The following ABCG1 variants were observed in gnomAD, a reference collection of about 807,000 sequenced individuals.
ABCG1 encodes ATP-binding cassette sub-family G member 1.
In ABCG1, 29 loss-of-function variants were observed where a neutral mutation model predicts 69.2. The observed-to-expected ratio is 0.42, with a 90% CI of 0.31 to 0.57. The LOEUF (loss-of-function observed/expected upper bound fraction) is 0.57, where lower values mean the gene tolerates loss of function less well. ABCG1 is among the 20% of genes least tolerant of loss of function. The pLI, the probability that ABCG1 is intolerant of heterozygous loss-of-function variation, is 0.15. For missense variants in ABCG1, 718 were observed against 898.1 expected (o/e 0.80, Z 2.56); for synonymous variants, 370 against 374.8 (o/e 0.99, Z 0.15).
chr21:42,263,900 G>A (rs1191850549), intron 2 of ABCG1, among the ~76,000 whole-genome samples: 2 of 152,244 alleles, frequency 1.3e-5, no homozygotes, highest in African/African-American at 4.8e-5. Flanking sequence ...TGTTGCTCAA[G>A]GTTCATTTGT....
intron 1 of ABCG1, among the ~76,000 whole-genome samples, chr21:42,223,002 C>T (rs929925157): frequency 6.6e-6 from 1 of 152,182 alleles, no homozygotes; most frequent in Non-Finnish European, 1.5e-5. Context: ...CAGTTCTGGT[C>T]CTGTTATTCC....
intron 2 of ABCG1, among the ~76,000 whole-genome samples, chr21:42,254,624 A>ATGATCACGAAAATGGAGGCGG (rs1217842640): frequency 1.3e-5 from 2 of 152,264 alleles, no homozygotes; most frequent in Non-Finnish European, 2.9e-5. Context: ...GCTTTGCCAC[A>ATGATCACGAAAATGGAGGCGG]TGATCACGAA....
At position 42,268,719 on chromosome 21, in the gene ABCG1, C is replaced by T. The variant is rs189692745; in HGVS notation, c.287-2351C>T. Among the ~76,000 whole-genome samples the T allele has an allele frequency of 2.8e-3, 426 of 152,308 alleles. 4 individuals are homozygous for T. Among genetic ancestry groups the T allele is most frequent in the African/African-American group, 9.8e-3 (408 of 41,564 alleles). The stretch of plus-strand genomic sequence containing the variant: ...CAGGTGGAGTGGACCTCTGCAGCCC[C>T]AGTTGTGTGCACTCTCTGTTTGGTG... On this transcript the variant is annotated intron_variant, in intron 2 of 14. Transcript: ENST00000398449.
At chr21:42,230,217 C>T (rs1311208462) in intron 2 of ABCG1, among the ~76,000 whole-genome samples, 1 of 152,196 alleles carries the variant, frequency 6.6e-6, no homozygotes, top group East Asian at 1.9e-4. Context: ...TACATTTTCA[C>T]CATATGACTA....
intron 2 of ABCG1, among the ~76,000 whole-genome samples, chr21:42,270,848 C>G (rs2123729061): frequency 6.6e-6 from 1 of 152,202 alleles, no homozygotes; most frequent in South Asian, 2.1e-4. Flanking sequence ...TACACACGTG[C>G]TGGTAATTAT....
At chr21:42,282,015 G>A (rs929003434) in intron 5 of ABCG1, among the ~76,000 whole-genome samples, 1 of 152,228 alleles carries the variant, frequency 6.6e-6, no homozygotes, top group Non-Finnish European at 1.5e-5. Flanking sequence ...TCTGACCCCA[G>A]CACTGTTGCA....
chr21:42,293,347 C>A (rs185701793), intron 13 of ABCG1, among the ~76,000 whole-genome samples: 52 of 106,944 alleles, frequency 4.9e-4, no homozygotes, highest in East Asian at 2.0e-3. Context: ...TACACACTAC[C>A]CACCACACAC....
chr21:42,240,196 G>A (rs966690551), intron 2 of ABCG1, among the ~76,000 whole-genome samples: 19 of 152,174 alleles, frequency 1.2e-4, no homozygotes, highest in African/African-American at 3.9e-4. Flanking sequence ...GGTCTCCAAC[G>A]GCCACACGAG....
In ABCG1 at chr21:42,219,540, G is replaced by A. The variant is rs2067686810; in HGVS notation, c.42+236G>A. Among the ~76,000 whole-genome samples, 1 of 152,184 alleles carries A rather than the reference G, an allele frequency of 6.6e-6. No homozygotes were observed. Among genetic ancestry groups the A allele is most frequent in the Non-Finnish European group, 1.5e-5 (1 of 68,026 alleles). ...CGGCAGAGAGCACGGACTAGGTGGA[G>A]GGGCCGGGAGTGGGGCGGGGGCAGC... On this transcript the variant is annotated intron_variant, in intron 1 of 14. Transcript: ENST00000398449. The surrounding 1 kb of genome is among the most constrained non-coding windows in gnomAD (Gnocchi z 5.3).
At chr21:42,281,507 C>T (rs756512172) in intron 5 of ABCG1, among the ~76,000 whole-genome samples, 1 of 152,238 alleles carries the variant, frequency 6.6e-6, no homozygotes, top group Non-Finnish European at 1.5e-5. Context: ...TGCGCAGTGC[C>T]CTGCTTGTTC....
intron 2 of ABCG1, among the ~76,000 whole-genome samples, chr21:42,254,373 C>G (rs2068269232): frequency 1.3e-5 from 2 of 152,202 alleles, no homozygotes; most frequent in South Asian, 4.1e-4. Flanking sequence ...GCCCCACACT[C>G]ACTGAGGGGT....
At chr21:42,210,651 T>C (rs2067579524) in intron 2 of ABCG1, among the ~76,000 whole-genome samples, 1 of 152,196 alleles carries the variant, frequency 6.6e-6, no homozygotes, top group Non-Finnish European at 1.5e-5. Context: ...TACTTGCAGT[T>C]TTTCCCCTGA....
At chr21:42,210,139 C>T (rs2067575040) in intron 2 of ABCG1, among the ~76,000 whole-genome samples, 1 of 152,160 alleles carries the variant, frequency 6.6e-6, no homozygotes, top group Non-Finnish European at 1.5e-5. Context: ...CAAAAGGGAA[C>T]AGGGAAAGAA....
At chr21:42,265,853 C>G (rs996746915) in intron 2 of ABCG1, among the ~76,000 whole-genome samples, 3 of 152,206 alleles carry the variant, frequency 2.0e-5, no homozygotes, top group Admixed American at 6.5e-5. Context: ...CTGGCCTCCC[C>G]CTTAGTGAGG....
intron 2 of ABCG1, among the ~76,000 whole-genome samples, chr21:42,243,487 T>TGTGC (rs200653194): frequency 6.9e-6 from 1 of 144,276 alleles, no homozygotes; most frequent in Non-Finnish European, 1.5e-5. Flanking sequence ...TGTGTGTGTG[T>TGTGC]GTGCGCTGGT....
At chr21:42,275,439 C>T (rs1239841851) in intron 4 of ABCG1, among the ~76,000 whole-genome samples, 12 of 152,232 alleles carry the variant, frequency 7.9e-5, no homozygotes, top group East Asian at 1.9e-4. Context: ...GCAAAGCAGT[C>T]GTGAAGTTTT....
chr21:42,214,933 T>C (rs1018686589), upstream of ABCG1, among the ~76,000 whole-genome samples: 3 of 152,176 alleles, frequency 2.0e-5, no homozygotes, highest in African/African-American at 7.2e-5. Flanking sequence ...ACAGCTTTCT[T>C]TGTTTTTTTG....
intron 2 of ABCG1, among the ~76,000 whole-genome samples, chr21:42,202,065 T>G (rs1273398536): frequency 2.0e-5 from 3 of 152,242 alleles, no homozygotes; most frequent in Non-Finnish European, 4.4e-5. Flanking sequence ...TGCCTGTCCC[T>G]GCCCTCTGCA....
chr21:42,285,927 C>CA lies in ABCG1; in HGVS notation c.908dup (p.Asn303LysfsTer33). ...AATGTGTGTACCGGGGAAAAGTCTG[C>CA]AATCTTGTGCCATATTTGAGGGATT... On this transcript the variant is annotated frameshift_variant, in exon 8 of 15. Transcript: ENST00000398449. LOFTEE classifies it high-confidence loss of function. The CA allele has an allele frequency of 6.2e-7, 1 of 1,614,082 alleles. No individual in the cohort carries two copies. Among genetic ancestry groups the CA allele is most frequent in the Non-Finnish European group, 8.5e-7 (1 of 1,180,000 alleles).
Sources: gnomAD v4.1 joint callset for allele counts (sites outside exome capture counted in the v4.1 genomes callset) on GRCh38, gnomAD v4.1.1 for gene constraint, Gnocchi (gnomAD v3.1) non-coding constraint, MANE v1.5 for transcripts, NCBI Gene and HGNC (gene_info 2026-07-23, HGNC 2026-07-21) for gene names.